ACYP1: variants seen among roughly 807,000 people sequenced by gnomAD.
The protein encoded by ACYP1 is acylphosphatase 1.
A neutral mutation model predicts 10.4 loss-of-function variants in ACYP1; 8 were observed. The ratio of observed to expected loss-of-function variants is 0.77; its 90% CI spans 0.45 to 1.38. The LOEUF (loss-of-function observed/expected upper bound fraction) is 1.38, where lower values mean the gene tolerates loss of function less well. Among genes scored for constraint, ACYP1 ranks in the 40% most tolerant of loss-of-function variants. ACYP1 has a pLI of 0.00. For synonymous variants in ACYP1, 38 were observed against 40.8 expected (o/e 0.93, Z 0.26); for missense variants, 93 against 117.3 (o/e 0.79, Z 0.96).
At chr14:75,062,403 A>T (rs1893045781) in intron 2 of ACYP1, among the ~76,000 whole-genome samples, 1 of 148,594 alleles carries the variant, frequency 6.7e-6, no homozygotes, top group Non-Finnish European at 1.5e-5. Flanking sequence ...CATCCTTCAG[A>T]AAAAAAAAAG....
At chr14:75,062,555 C>G (rs1336853414) in intron 2 of ACYP1, among the ~76,000 whole-genome samples, 1 of 151,504 alleles carries the variant, frequency 6.6e-6, no homozygotes, top group African/African-American at 2.4e-5. Context: ...GTGGCTCACA[C>G]CTGTAATCCC....
upstream of ACYP1, among the ~76,000 whole-genome samples, chr14:75,064,603 G>A (rs879380952): frequency 3.9e-5 from 6 of 152,046 alleles, no homozygotes; most frequent in Non-Finnish European, 7.4e-5. Context: ...GCATGGTGGC[G>A]GGCGCCTGTA....
At chr14:75,069,256 C>A (rs1043160342) in exon 1 of ACYP1, 11 of 1,477,172 alleles carry the variant, frequency 7.4e-6, no homozygotes, top group Non-Finnish European at 8.9e-6. Flanking sequence ...AGGCCAGCAG[C>A]AGCCCCGCTC....
Position 75,053,599 on chromosome 14 carries a change from G to T in ACYP1, c.145C>A (p.Gln49Lys). ...GAGATGGGACCTTGCAATTGTCCTT[G>T]CACTGTGCCCCGGTCAGTGTTCTGG... ...WVQNTDRGTV[Q>K]GQLQGPISKV... The change falls in exon 3 of 3, where the codon CAA becomes AAA. Residue 49 changes from glutamine to lysine, a missense_variant. Physicochemically the swap from Gln to Lys is moderately conservative, Grantham distance 53. Transcript: ENST00000238618. 1 of 1,614,116 alleles carries T rather than the reference G, an allele frequency of 6.2e-7. No homozygotes were observed. The highest frequency in any genetic ancestry group is 1.1e-5 in the South Asian group (1 of 91,078).
intron 2 of ACYP1, among the ~76,000 whole-genome samples, chr14:75,062,705 T>C (rs1893058311): frequency 6.6e-6 from 1 of 150,596 alleles, no homozygotes; most frequent in South Asian, 2.1e-4. Context: ...CCTAACTCAT[T>C]ATCTGTGGGA....
chr14:75,064,018 G>T lies in ACYP1; in HGVS notation c.-73C>A. On this transcript the variant is annotated 5_prime_UTR_variant, in exon 1 of 3. Transcript: ENST00000238618. ...GACCACCACGCCAACGGCTCACCAA[G>T]GCGCGCAAACCTCCGCGCCCGGAAG... 4 of 988,490 alleles carry T rather than the reference G, an allele frequency of 4.0e-6. No homozygotes were observed. Among genetic ancestry groups the T allele is most frequent in the Non-Finnish European group, 4.8e-6 (4 of 831,638 alleles). 61.2% of individuals were successfully genotyped at this position (988,490 alleles called of 1,614,324 possible).
At chr14:75,063,669 C>A (rs1220650971) in intron 1 of ACYP1, 108 bp from the exon 2 acceptor site, 5 of 884,430 alleles carry the variant, frequency 5.7e-6, no homozygotes, top group Middle Eastern at 2.7e-4. Context: ...ACCATTGCGA[C>A]CTCTCCCCGA....
At chr14:75,063,814 G>A (rs1337471027) in intron 1 of ACYP1, 140 bp downstream of exon 1, 4 of 734,088 alleles carry the variant, frequency 5.4e-6, no homozygotes, top group Non-Finnish European at 7.8e-6. Flanking sequence ...CCTGAGGACC[G>A]ATGACCTCCT....
At chr14:75,057,784 C>T (rs1475703155) in intron 2 of ACYP1, among the ~76,000 whole-genome samples, 3 of 149,860 alleles carry the variant, frequency 2.0e-5, no homozygotes, top group Non-Finnish European at 4.4e-5. Flanking sequence ...CTGGCCAAGA[C>T]GGTGAAACGC....
intron 2 of ACYP1, chr14:75,063,186 A>G: frequency 2.5e-6 from 1 of 401,764 alleles, no homozygotes; most frequent in South Asian, 3.0e-5. Flanking sequence ...CACAACGGCG[A>G]GCACTGGGGA....
At chr14:75,069,365 G>T in exon 1 of ACYP1, 2 of 1,189,056 alleles carry the variant, frequency 1.7e-6, no homozygotes, top group South Asian at 1.7e-5. Context: ...CCCAAGGTCT[G>T]GGAGCGTCGT....
chr14:75,053,629 A>C lies in ACYP1; in HGVS notation c.115T>G (p.Trp39Gly). The change falls in exon 3 of 3, where the codon TGG (tryptophan) becomes GGG (glycine). Residue 39 changes from tryptophan to glycine, a missense_variant. Coordinates refer to ENST00000238618, the MANE Select transcript of ACYP1 (RefSeq NM_001107.5). ...GTGCCCCGGTCAGTGTTCTGGACCC[A>C]GCCTACCAATCCCAGCTTTTTACCC... ...AEGKKLGLVG[W>G]VQNTDRGTVQ... 3 of 1,614,176 alleles carry C rather than the reference A, an allele frequency of 1.9e-6. No individual in the cohort carries two copies. The highest frequency in any genetic ancestry group is 2.5e-6 in the Non-Finnish European group (3 of 1,180,042).
intron 2 of ACYP1, among the ~76,000 whole-genome samples, chr14:75,057,323 C>T (rs1892900302): frequency 1.3e-5 from 2 of 151,376 alleles, no homozygotes; most frequent in Admixed American, 6.6e-5. Flanking sequence ...TGGAAATCTA[C>T]AAAACATTCT....
At chr14:75,056,627 C>T (rs1310307273) in intron 2 of ACYP1, among the ~76,000 whole-genome samples, 3 of 151,314 alleles carry the variant, frequency 2.0e-5, no homozygotes, top group African/African-American at 7.3e-5. Flanking sequence ...ATGCAAAAAT[C>T]ATCAGCAAAA....
At chr14:75,058,102 T>G (rs1892927286) in intron 2 of ACYP1, among the ~76,000 whole-genome samples, 1 of 150,790 alleles carries the variant, frequency 6.6e-6, no homozygotes, top group Admixed American at 6.6e-5. Flanking sequence ...GGCCTTAGGC[T>G]GTTTCCACTG....
intron 2 of ACYP1, among the ~76,000 whole-genome samples, chr14:75,057,185 T>C (rs1892897035): frequency 6.6e-6 from 1 of 151,654 alleles, no homozygotes; most frequent in Admixed American, 6.5e-5. Context: ...TATACAAAAA[T>C]CAATTGTATT....
chr14:75,059,253 T>G (rs1325678590), intron 2 of ACYP1, among the ~76,000 whole-genome samples: 1 of 146,328 alleles, frequency 6.8e-6, no homozygotes, highest in Non-Finnish European at 1.5e-5. Flanking sequence ...ACACCTGTAA[T>G]CCCAGCACTT....
intron 1 of ACYP1, chr14:75,069,195 C>T: frequency 6.6e-7 from 1 of 1,516,266 alleles, no homozygotes; most frequent in South Asian, 1.2e-5. Context: ...AAGGAGCGCG[C>T]GCGTGCAGCC....
At chr14:75,059,244 C>A (rs1892960790) in intron 2 of ACYP1, among the ~76,000 whole-genome samples, 1 of 148,134 alleles carries the variant, frequency 6.8e-6, no homozygotes, top group African/African-American at 2.5e-5. Flanking sequence ...TGGTGGCTCA[C>A]ACCTGTAATC....
Sources: allele counts gnomAD v4.1 joint callset (sites outside exome capture counted in the v4.1 genomes callset), GRCh38; gene constraint gnomAD v4.1.1; transcripts MANE v1.5; gene names NCBI Gene and HGNC (gene_info 2026-07-23, HGNC 2026-07-21).